The following LPCAT2 variants were observed in gnomAD, a reference collection of about 807,000 sequenced individuals.
The protein encoded by LPCAT2 is 1-AGP acyltransferase 11.
A neutral mutation model predicts 64.7 loss-of-function variants in LPCAT2; 58 were observed. That is an observed-to-expected ratio of 0.90 (90% CI 0.73 to 1.12). The LOEUF (loss-of-function observed/expected upper bound fraction) is 1.12. LPCAT2 is among the 50% of genes most tolerant of loss of function. The pLI is 0.00. For missense variants in LPCAT2, 579 were observed against 669.8 expected, an observed-to-expected ratio of 0.86 and a Z score of 1.50; for synonymous variants, 252 against 245.3, an observed-to-expected ratio of 1.03 and a Z score of -0.26.
In LPCAT2 at chr16:55,567,195, C is replaced by A. The variant is rs780864978; in HGVS notation, c.1216-7436C>A. 1.9e-5 allele frequency: 30 copies of A among 1,613,744 alleles called. 1 individual carries two copies. The highest frequency in any genetic ancestry group is 1.8e-5 in the Non-Finnish European group (21 of 1,179,864). On this transcript the variant is annotated intron_variant, in intron 11 of 13. Coordinates refer to ENST00000262134, the MANE Select transcript of LPCAT2 (RefSeq NM_017839.5). Reference sequence around the variant, plus strand: ...GCTGGGCTTTGAAGAATTTAAGTATCTGTGGAACAACATCAAGAAATGGCA... The same window carrying A: ...GCTGGGCTTTGAAGAATTTAAGTATATGTGGAACAACATCAAGAAATGGCA...
chr16:55,516,726 A>G (rs1411428340), intron 1 of LPCAT2, among the ~76,000 whole-genome samples: 1 of 152,224 alleles, frequency 6.6e-6, no homozygotes, highest in Non-Finnish European at 1.5e-5. Flanking sequence ...GATAGAAGGT[A>G]GAACAATGAG....
intron 4 of LPCAT2, among the ~76,000 whole-genome samples, chr16:55,530,285 A>G (rs930978875): frequency 3.9e-5 from 6 of 152,150 alleles, no homozygotes; most frequent in Non-Finnish European, 8.8e-5. Context: ...CCATTATACT[A>G]AAGTATCTCC....
chr16:55,555,888 C>T (rs1963569042), intron 11 of LPCAT2, among the ~76,000 whole-genome samples: 6 of 152,316 alleles, frequency 3.9e-5, no homozygotes, highest in Admixed American at 3.3e-4. Context: ...GATCTCAGCT[C>T]ACTGCAACCT....
At chr16:55,524,846 TTCTGGTATGTAAA>T (rs1963146539) in intron 1 of LPCAT2, among the ~76,000 whole-genome samples, 1 of 152,080 alleles carries the variant, frequency 6.6e-6, no homozygotes, top group African/African-American at 2.4e-5. Context: ...TGTTACTCCT[TTCTGGTATGTAAA>T]ACTTGAAACT....
At chr16:55,573,276 C>T (rs1963790185) in intron 11 of LPCAT2, among the ~76,000 whole-genome samples, 1 of 152,156 alleles carries the variant, frequency 6.6e-6, no homozygotes, top group African/African-American at 2.4e-5. Flanking sequence ...CCTTCCTTCC[C>T]CAAATTCATC....
chr16:55,586,466 T>C lies in LPCAT2; in HGVS notation c.*3368T>C, dbSNP rs1186153990. 1 of 152,186 alleles carries C rather than the reference T, an allele frequency of 6.6e-6. No individual in the cohort carries two copies. The highest frequency in any genetic ancestry group is 6.5e-5 in the Admixed American group (1 of 15,278). 9.4% of individuals were successfully genotyped at this position (152,186 alleles called of 1,614,324 possible). ...AAAAATATAAACAGAAAAAATTATG[T>C]TTACTTCTACCACCCTAAATCAACT... On this transcript the variant is annotated 3_prime_UTR_variant, in exon 14 of 14. Transcript: ENST00000262134.
intron 12 of LPCAT2, among the ~76,000 whole-genome samples, chr16:55,576,781 G>T (rs1455877789): frequency 2.6e-5 from 4 of 152,170 alleles, no homozygotes; most frequent in South Asian, 2.1e-4. Context: ...CATGCATGGG[G>T]TTTACCTTAG....
At chr16:55,573,015 G>C (rs955895929) in intron 11 of LPCAT2, among the ~76,000 whole-genome samples, 3 of 152,198 alleles carry the variant, frequency 2.0e-5, no homozygotes, top group African/African-American at 7.2e-5. Flanking sequence ...CAGATGACCT[G>C]AATGTTTGTT....
intron 1 of LPCAT2, among the ~76,000 whole-genome samples, chr16:55,525,214 T>C (rs922214063): frequency 2.0e-5 from 3 of 152,148 alleles, no homozygotes; most frequent in African/African-American, 7.2e-5. Flanking sequence ...TGCTAAATCA[T>C]ATACACCTTT....
chr16:55,515,984 T>C (rs1439877954), intron 1 of LPCAT2, among the ~76,000 whole-genome samples: 1 of 152,210 alleles, frequency 6.6e-6, no homozygotes, highest in African/African-American at 2.4e-5. Flanking sequence ...AAATGTCATA[T>C]ATAAATCCTA....
chr16:55,563,547 C>T (rs1345717368), intron 11 of LPCAT2, among the ~76,000 whole-genome samples: 1 of 151,750 alleles, frequency 6.6e-6, no homozygotes, highest in Non-Finnish European at 1.5e-5. Context: ...CAAGATGGTT[C>T]AATATATGAA....
At chr16:55,539,197 T>C (rs759810313) in intron 8 of LPCAT2, 1 of 152,056 alleles carries the variant, frequency 6.6e-6, no homozygotes, top group Non-Finnish European at 1.5e-5. Context: ...TCCTCTTTTT[T>C]TTTTTGTCAT....
chr16:55,528,327 T>G (rs1354333903), intron 2 of LPCAT2, 50 bp from the exon 3 acceptor site: 2 of 1,435,386 alleles, frequency 1.4e-6, no homozygotes, highest in Non-Finnish European at 1.9e-6. Context: ...AAAACCCTGC[T>G]GCTAGCTTTA....
chr16:55,552,828 T>G, intron 11 of LPCAT2, among the ~76,000 whole-genome samples: 1 of 152,218 alleles, frequency 6.6e-6, no homozygotes, highest in East Asian at 1.9e-4. Context: ...TCAGTGTTGA[T>G]GTGTGCTGAC....
chr16:55,513,924 C>T (rs750816184), intron 1 of LPCAT2, among the ~76,000 whole-genome samples: 2 of 152,086 alleles, frequency 1.3e-5, no homozygotes, highest in African/African-American at 2.4e-5. Context: ...CAGAGGAAAG[C>T]GAGTGCAGTG....
intron 8 of LPCAT2, among the ~76,000 whole-genome samples, chr16:55,544,049 G>A (rs1459616182): frequency 2.0e-5 from 3 of 152,080 alleles, no homozygotes; most frequent in Non-Finnish European, 4.4e-5. Context: ...TCCCATGATT[G>A]CAGCTGCTTC....
intron 11 of LPCAT2, chr16:55,567,197 G>C: frequency 1.9e-6 from 3 of 1,613,874 alleles, no homozygotes; most frequent in Non-Finnish European, 2.5e-6. Flanking sequence ...TTAAGTATCT[G>C]TGGAACAACA....
chr16:55,565,226 T>C (rs1487284836), intron 11 of LPCAT2, among the ~76,000 whole-genome samples: 1 of 152,028 alleles, frequency 6.6e-6, no homozygotes, highest in African/African-American at 2.4e-5. Context: ...TGCAAGCATA[T>C]GGAGTAATTG....
intron 1 of LPCAT2, among the ~76,000 whole-genome samples, chr16:55,524,726 T>G (rs1963144708): frequency 6.6e-6 from 1 of 152,026 alleles, no homozygotes; most frequent in South Asian, 2.1e-4. Flanking sequence ...ACAGTCTATT[T>G]TACTCAAAAG....
Sources: allele counts gnomAD v4.1 joint callset (sites outside exome capture counted in the v4.1 genomes callset), GRCh38; gene constraint gnomAD v4.1.1; transcripts MANE v1.5; gene names NCBI Gene and HGNC (gene_info 2026-07-23, HGNC 2026-07-21).